The following CFAP44 variants were observed in gnomAD, a reference collection of about 807,000 sequenced individuals.
The protein encoded by CFAP44 is cilia- and flagella-associated protein 44.
A neutral mutation model predicts 216.2 loss-of-function variants in CFAP44; 134 were observed. The observed-to-expected ratio is 0.62, with a 90% CI of 0.54 to 0.72. CFAP44 has a LOEUF of 0.72. Among genes scored for constraint, CFAP44 ranks in the 30% least tolerant of loss-of-function variants. CFAP44 has a pLI of 0.00. For synonymous variants in CFAP44, 700 were observed against 727.6 expected (o/e 0.96, Z 0.61); for missense variants, 2,035 against 2,182.1 (o/e 0.93, Z 1.34).
intron 15 of CFAP44, among the ~76,000 whole-genome samples, chr3:113,386,873 T>C (rs1369816885): frequency 6.6e-6 from 1 of 152,042 alleles, no homozygotes; most frequent in Non-Finnish European, 1.5e-5. Flanking sequence ...ATAATCTGGG[T>C]ACTTGGGGGA....
Position 113,396,643 on chromosome 3 carries a change from T to G in CFAP44, c.1654A>C (p.Thr552Pro). The change falls in exon 14 of 35, where the codon ACG becomes CCG. Residue 552 changes from threonine (T) to proline (P), a missense_variant. Coordinates refer to ENST00000393845, the MANE Select transcript of CFAP44 (RefSeq NM_001164496.2). ...ATTTTCTTCCGTCCCGCAAAAATCG[T>G]GAGCCCTTTTGGATCATAAAGTTCA... is the stretch of plus-strand genomic sequence containing the variant. ...ILELYDPKGL[T>P]IFAGRKKILD... The G allele has an allele frequency of 6.2e-7, 1 of 1,614,140 alleles. No homozygotes were observed. Among genetic ancestry groups the G allele is most frequent in the Non-Finnish European group, 8.5e-7 (1 of 1,180,010 alleles).
intron 24 of CFAP44, among the ~76,000 whole-genome samples, chr3:113,333,787 A>G (rs1950259603): frequency 6.6e-6 from 1 of 152,200 alleles, no homozygotes; most frequent in Non-Finnish European, 1.5e-5. Flanking sequence ...ATAATATACA[A>G]TTATATAAAC....
chr3:113,331,881 G>T (rs1950244277), intron 25 of CFAP44, among the ~76,000 whole-genome samples: 1 of 151,912 alleles, frequency 6.6e-6, no homozygotes, highest in South Asian at 2.1e-4. Flanking sequence ...TATGGATTTT[G>T]ACCATTAAAT....
Position 113,403,949 on chromosome 3 carries a change from C to T in CFAP44, c.1073G>A (p.Cys358Tyr). The change falls in exon 9 of 35, where the codon TGT (cysteine) becomes TAT (tyrosine). Residue 358 changes from cysteine (C) to tyrosine (Y), a missense_variant. By Grantham distance (194) the Cys-to-Tyr change is radical. Transcript: ENST00000393845. The stretch of plus-strand genomic sequence containing the variant: ...GTGACATGACTTGCTTGTCCCTCGA[C>T]AGAGCTCCACTTTGATCAGACCACC... The part of the protein sequence containing the change: ...WEGGLIKVEL[C>Y]RGTSKSCHNG... 6.2e-7 allele frequency: 1 copy of T among 1,614,174 alleles called. No individual in the cohort carries two copies. The highest frequency in any genetic ancestry group is 1.1e-5 in the South Asian group (1 of 91,086).
At chr3:113,376,941 G>A (rs1319955737) in intron 17 of CFAP44, among the ~76,000 whole-genome samples, 1 of 152,150 alleles carries the variant, frequency 6.6e-6, no homozygotes, top group Non-Finnish European at 1.5e-5. Context: ...AATGAGAAGG[G>A]ATGGGATCAA....
chr3:113,363,302 T>C lies in CFAP44; in HGVS notation c.2777A>G (p.Glu926Gly), dbSNP rs1950558861. The change falls in exon 21 of 35, where the codon GAG becomes GGG. Residue 926 changes from glutamate (E) to glycine (G), a missense_variant. Physicochemically the swap from Glu to Gly is moderately conservative, Grantham distance 98. This residue lies in a region of CFAP44 where 1,883 missense variants were observed against 2,023.7 expected (regional missense o/e 0.93). Transcript: ENST00000393845. Reference sequence around the variant, plus strand: ...ATGTTCTCTTTTTCTCCTAGCATTCTCGATACTGAAAACAGAAATTTAAAA... The same window carrying C: ...ATGTTCTCTTTTTCTCCTAGCATTCCCGATACTGAAAACAGAAATTTAAAA... The part of the protein sequence containing the change: ...DIEDPKAYSI[E>G]NARRKREHDK... 6.2e-7 allele frequency: 1 copy of C among 1,602,386 alleles called. No homozygotes were observed. Among genetic ancestry groups the C allele is most frequent in the South Asian group, 1.1e-5 (1 of 87,782 alleles).
intron 1 of CFAP44, among the ~76,000 whole-genome samples, chr3:113,434,327 T>C (rs1159031048): frequency 6.6e-6 from 1 of 152,058 alleles, no homozygotes; most frequent in African/African-American, 2.4e-5. Context: ...AGGCAAAGAA[T>C]GTGAAAGATA....
At chr3:113,337,740 G>A (rs75283331) in intron 24 of CFAP44, among the ~76,000 whole-genome samples, 4,401 of 152,042 alleles carry the variant, frequency 0.029, 112 homozygotes, top group East Asian at 0.1. Context: ...TTGGACATCC[G>A]TAAGAAAAAA....
chr3:113,335,824 A>G (rs775304744), intron 24 of CFAP44, among the ~76,000 whole-genome samples: 5 of 152,220 alleles, frequency 3.3e-5, no homozygotes, highest in African/African-American at 1.2e-4. Flanking sequence ...ACGTAGATAG[A>G]CTGTATATGC....
At chr3:113,379,081 G>C (rs1043078226) in intron 17 of CFAP44, among the ~76,000 whole-genome samples, 2 of 151,734 alleles carry the variant, frequency 1.3e-5, no homozygotes, top group Admixed American at 1.3e-4. Flanking sequence ...ACAATTATCT[G>C]CACAAGAAGA....
At chr3:113,363,342 G>A (rs770033760) in intron 20 of CFAP44, 35 bp from the exon 21 acceptor site, 6 of 1,583,454 alleles carry the variant, frequency 3.8e-6, no homozygotes, top group Middle Eastern at 1.7e-4. Context: ...AACAGGTTGT[G>A]ATACAGAAAC....
intron 1 of CFAP44, among the ~76,000 whole-genome samples, chr3:113,439,763 C>T (rs1234828723): frequency 6.6e-6 from 1 of 152,206 alleles, no homozygotes; most frequent in Non-Finnish European, 1.5e-5. Flanking sequence ...AGACAGAGTG[C>T]TGTCTAAGGT....
chr3:113,330,784 T>G (rs1950235124), intron 25 of CFAP44, 116 bp from the exon 26 acceptor site: 3 of 1,323,504 alleles, frequency 2.3e-6, no homozygotes, highest in Non-Finnish European at 3.0e-6. Flanking sequence ...AGATAAAAAT[T>G]CATCTGATCA....
chr3:113,441,339 A>G, intron 1 of CFAP44, 114 bp downstream of exon 1: 1 of 970,566 alleles, frequency 1.0e-6, no homozygotes, highest in Non-Finnish European at 1.2e-6. Context: ...GGGAGGACGA[A>G]GGCTATAACA....
chr3:113,304,570 A>G (rs933352789), intron 31 of CFAP44, among the ~76,000 whole-genome samples: 8 of 152,252 alleles, frequency 5.3e-5, no homozygotes, highest in African/African-American at 1.2e-4. Context: ...GCAATTTAAT[A>G]TAAGTTGCAA....
intron 15 of CFAP44, among the ~76,000 whole-genome samples, chr3:113,391,736 T>C (rs1331146653): frequency 6.6e-6 from 1 of 152,090 alleles, no homozygotes; most frequent in African/African-American, 2.4e-5. Context: ...ATTTTAAAAT[T>C]GGGAAAAGTT....
At chr3:113,324,972 G>A (rs898095042) in intron 28 of CFAP44, among the ~76,000 whole-genome samples, 1 of 152,116 alleles carries the variant, frequency 6.6e-6, no homozygotes. Flanking sequence ...CAATGAACAT[G>A]AGGACACTGA....
At chr3:113,388,462 G>A (rs537668084) in intron 15 of CFAP44, among the ~76,000 whole-genome samples, 1 of 151,592 alleles carries the variant, frequency 6.6e-6, no homozygotes, top group South Asian at 2.1e-4. Flanking sequence ...ACGTAGATAA[G>A]AAGGAAGGAG....
chr3:113,432,133 T>C (rs1168138804), intron 2 of CFAP44: 1 of 152,178 alleles, frequency 6.6e-6, no homozygotes, highest in African/African-American at 2.4e-5. Context: ...CACTACATTG[T>C]ATCAGAAAAG....
Sources: gnomAD v4.1 joint callset for allele counts (sites outside exome capture counted in the v4.1 genomes callset) on GRCh38, gnomAD v4.1.1 for gene constraint, gnomAD v4.1.1 regional missense constraint, MANE v1.5 for transcripts, NCBI Gene and HGNC (gene_info 2026-07-23, HGNC 2026-07-21) for gene names.